SEPHS1: variants seen among roughly 807,000 people sequenced by gnomAD.
SEPHS1 encodes the protein selenophosphate synthetase 1.
Under a neutral mutation model 39.2 loss-of-function variants are expected in SEPHS1, and 7 were observed. That is an observed-to-expected ratio of 0.18 (90% CI 0.10 to 0.34). The LOEUF is 0.34. Among genes scored for constraint, SEPHS1 ranks in the 10% least tolerant of loss-of-function variants. SEPHS1 has a pLI of 1.00. For missense variants in SEPHS1, 253 were observed against 514.5 expected (o/e 0.49, Z 4.92); for synonymous variants, 190 against 195.5 (o/e 0.97, Z 0.23).
intron 7 of SEPHS1, among the ~76,000 whole-genome samples, chr10:13,325,484 C>T (rs1370566525): frequency 2.6e-5 from 4 of 152,166 alleles, no homozygotes; most frequent in African/African-American, 9.7e-5. Context: ...GGCAGTTTCC[C>T]CTGCTCTTCT....
At position 13,317,575 on chromosome 10, in the gene SEPHS1, T is replaced by C. The variant is rs1832978704; in HGVS notation, c.*1567A>G. 1.3e-5 allele frequency: 2 copies of C among 152,200 alleles called. No homozygotes were observed. The highest frequency in any genetic ancestry group is 6.6e-5 in the Admixed American group (1 of 15,266). The allele number at this position is 152,200 out of a possible 1,614,324, so 9.4% of individuals were successfully genotyped here. A position where few individuals can be genotyped will look rare whatever the true frequency, so the allele number is the denominator to read the frequency against. On this transcript the variant is annotated 3_prime_UTR_variant, in exon 9 of 9. Coordinates refer to ENST00000327347, the MANE Select transcript of SEPHS1 (RefSeq NM_012247.5). ...TCTTCCATACTGCACACCATGCTTA[T>C]GGCTGGAGGTCCAGTTACACATGCA...
chr10:13,332,821 C>G (rs368690698), intron 5 of SEPHS1, among the ~76,000 whole-genome samples: 1 of 149,784 alleles, frequency 6.7e-6, no homozygotes, highest in Non-Finnish European at 1.5e-5. Flanking sequence ...CCAGCCTGGG[C>G]GACGGAGTAA....
In SEPHS1 at chr10:13,329,686, T is replaced by A; in HGVS notation, c.651+12A>T. 1 of 1,588,014 alleles carries A rather than the reference T, an allele frequency of 6.3e-7. No individual in the cohort carries two copies. The highest frequency in any genetic ancestry group is 8.6e-7 in the Non-Finnish European group (1 of 1,164,844). On this transcript the variant is annotated intron_variant, in intron 6 of 8. Transcript: ENST00000327347. ...ATTCCCCTCCCTCCCATCACAGCAG[T>A]GGTTTACTCACGATATCCAGCCACT...
chr10:13,336,400 G>A, intron 3 of SEPHS1, 50 bp from the exon 4 acceptor site: 1 of 1,383,980 alleles, frequency 7.2e-7, no homozygotes, highest in African/African-American at 1.4e-5. Flanking sequence ...CTTTCCATCT[G>A]CAGAAACTGA....
rs575524042 is a variant in SEPHS1 at position 13,329,454 on chromosome 10, G to A, written c.651+244C>T. Among the ~76,000 whole-genome samples, 6 of 152,206 alleles carry A rather than the reference G, an allele frequency of 3.9e-5. No homozygotes were observed. In the East Asian group the frequency reaches 7.7e-4, roughly 20 times the overall value. On this transcript the variant is annotated intron_variant, in intron 6 of 8. Transcript: ENST00000327347. ...AAGTAAACAAAGCTAACCCCCTGCC[G>A]AGCAAATTCTTTACAGAAAAATCTT...
intron 7 of SEPHS1, among the ~76,000 whole-genome samples, chr10:13,323,816 A>T (rs1324753895): frequency 2.7e-5 from 4 of 149,992 alleles, no homozygotes; most frequent in Non-Finnish European, 5.9e-5. Context: ...ATCATAACTC[A>T]CTGCACTTGG....
Position 13,318,352 on chromosome 10 carries a change from T to G in SEPHS1, c.*790A>C, listed in dbSNP as rs1167255517. The G allele has an allele frequency of 1.3e-5, 2 of 152,658 alleles. No homozygotes were observed. The allele number at this position is 152,658 out of a possible 1,614,324, so 9.5% of individuals were successfully genotyped here. On this transcript the variant is annotated 3_prime_UTR_variant, in exon 9 of 9. Transcript: ENST00000327347. Reference sequence around the variant, plus strand: ...TTTAAAAATTATTTGTGTAATTATATATTGAATTGTAAATGAGTATTATAC... The same window carrying G: ...TTTAAAAATTATTTGTGTAATTATAGATTGAATTGTAAATGAGTATTATAC...
intron 3 of SEPHS1, among the ~76,000 whole-genome samples, chr10:13,336,764 GA>G (rs981727695): frequency 6.6e-6 from 1 of 151,252 alleles, no homozygotes; most frequent in Admixed American, 6.7e-5. Context: ...AGAAAAGTTG[GA>G]AACAGCCACA....
Position 13,318,489 on chromosome 10 carries a change from T to C in SEPHS1, c.*653A>G, listed in dbSNP as rs1405521207. 6.6e-6 allele frequency: 1 copy of C among 152,620 alleles called. No individual in the cohort carries two copies. Among genetic ancestry groups the C allele is most frequent in the Non-Finnish European group, 1.5e-5 (1 of 68,068 alleles). The allele number at this position is 152,620 out of a possible 1,614,324, so 9.5% of individuals were successfully genotyped here. ...AAACAGTTAATGGTATTACTGTAAATATCAGGAAGGCTACAAAAAAAGAAA... is the reference window on the plus strand; with the variant it reads ...AAACAGTTAATGGTATTACTGTAAACATCAGGAAGGCTACAAAAAAAGAAA... On this transcript the variant is annotated 3_prime_UTR_variant, in exon 9 of 9. Transcript: ENST00000327347.
chr10:13,330,626 C>T (rs1833433444), intron 5 of SEPHS1, among the ~76,000 whole-genome samples: 1 of 152,086 alleles, frequency 6.6e-6, no homozygotes, highest in African/African-American at 2.4e-5. Context: ...GGTACTCACC[C>T]AAGTCGATGA....
In SEPHS1 at chr10:13,333,643, A is replaced by G. The variant is rs566286995; in HGVS notation, c.560+174T>C. ...TTTAGTAGAGACAGGGTTTCGCCAC[A>G]TTGGCCAGGCTGGTCTCAAACTCCT... On this transcript the variant is annotated intron_variant, in intron 5 of 8. Transcript: ENST00000327347. 6.4e-3 allele frequency among the ~76,000 whole-genome samples: 928 copies of G among 145,492 alleles called. 10 individuals carry two copies. The highest frequency in any genetic ancestry group is 0.023 in the African/African-American group (881 of 39,078).
At chr10:13,335,637 C>G (rs1330499123) in intron 4 of SEPHS1, among the ~76,000 whole-genome samples, 4 of 147,626 alleles carry the variant, frequency 2.7e-5, no homozygotes, top group African/African-American at 1.0e-4. Context: ...ACACTCTAGC[C>G]TGGGTGACAG....
intron 1 of SEPHS1, chr10:13,345,389 T>C (rs1184365350): frequency 6.4e-6 from 1 of 156,148 alleles, no homozygotes; most frequent in Non-Finnish European, 1.4e-5. Context: ...GGAAGCACTG[T>C]GGTTCAGAAA....
chr10:13,346,089 T>A (rs1833914890), intron 1 of SEPHS1, among the ~76,000 whole-genome samples: 1 of 152,144 alleles, frequency 6.6e-6, no homozygotes, highest in South Asian at 2.1e-4. Flanking sequence ...ATTGACAAAA[T>A]ATGCTACTCC....
At chr10:13,327,285 A>T (rs1423446789) in intron 7 of SEPHS1, among the ~76,000 whole-genome samples, 1 of 151,586 alleles carries the variant, frequency 6.6e-6, no homozygotes, top group Non-Finnish European at 1.5e-5. Context: ...AGGATACATA[A>T]TATGGGAAAC....
At chr10:13,342,202 G>A (rs1485546815) in intron 2 of SEPHS1, among the ~76,000 whole-genome samples, 1 of 151,708 alleles carries the variant, frequency 6.6e-6, no homozygotes, top group Non-Finnish European at 1.5e-5. Context: ...GGGAGGCGGA[G>A]CTTGCAATGA....
At chr10:13,319,501 T>G in intron 8 of SEPHS1, 145 bp from the exon 9 acceptor site, 1 of 701,700 alleles carries the variant, frequency 1.4e-6, no homozygotes, top group South Asian at 1.6e-5. Flanking sequence ...TAAGCAGCTT[T>G]TTTTTGAGAC....
In SEPHS1 at chr10:13,323,495, C is replaced by T. The variant is rs1440520517; in HGVS notation, c.752-448G>A. On this transcript the variant is annotated intron_variant, in intron 7 of 8. Coordinates refer to ENST00000327347, the MANE Select transcript of SEPHS1 (RefSeq NM_012247.5). ...TCAGCCTCCTGAATAGCTGGGACTACAGGTGCGCACCACCACGCCCAGCTA... is the reference window on the plus strand; with the variant it reads ...TCAGCCTCCTGAATAGCTGGGACTATAGGTGCGCACCACCACGCCCAGCTA... 2.0e-5 allele frequency among the ~76,000 whole-genome samples: 3 copies of T among 152,238 alleles called. No homozygotes were observed. In the East Asian group the frequency reaches 5.8e-4, roughly 29 times the overall value.
intron 8 of SEPHS1, among the ~76,000 whole-genome samples, chr10:13,320,039 A>G (rs1170244951): frequency 6.6e-6 from 1 of 152,148 alleles, no homozygotes; most frequent in African/African-American, 2.4e-5. Context: ...GCTTTTTTGT[A>G]TTTTTAGAAA....
Sources: gnomAD v4.1 joint callset for allele counts (sites outside exome capture counted in the v4.1 genomes callset) on GRCh38, gnomAD v4.1.1 for gene constraint, MANE v1.5 for transcripts, NCBI Gene and HGNC (gene_info 2026-07-23, HGNC 2026-07-21) for gene names.